The following IHO1 variants were observed in gnomAD, a reference collection of about 807,000 sequenced individuals.
IHO1 encodes the protein interactor of HORMAD1 protein 1.
In IHO1, 13 loss-of-function variants were observed where a neutral mutation model predicts 31.0. The observed-to-expected ratio is 0.42, with a 90% CI of 0.27 to 0.67. IHO1 has a LOEUF of 0.67. IHO1 is among the 30% of genes least tolerant of loss of function. The probability of loss-of-function intolerance (pLI) is 0.24; values close to 1 mark genes in which losing one functional copy is unlikely to be tolerated. For missense variants in IHO1, 599 were observed against 687.5 expected (o/e 0.87, Z 1.44); for synonymous variants, 221 against 248.4 (o/e 0.89, Z 1.04).
intron 2 of IHO1, among the ~76,000 whole-genome samples, chr3:49,231,007 G>T (rs1166648370): frequency 6.6e-6 from 1 of 152,178 alleles, no homozygotes; most frequent in African/African-American, 2.4e-5. Flanking sequence ...ATACAGAGAA[G>T]ACTCTAGATT....
intron 2 of IHO1, among the ~76,000 whole-genome samples, chr3:49,222,310 G>A (rs2046363639): frequency 6.6e-6 from 1 of 152,304 alleles, no homozygotes; most frequent in Admixed American, 6.5e-5. Flanking sequence ...CAGAGAGTGG[G>A]TTAAGTTGAG....
chr3:49,200,063 G>C (rs969103830), intron 1 of IHO1, among the ~76,000 whole-genome samples: 3 of 152,206 alleles, frequency 2.0e-5, no homozygotes, highest in South Asian at 2.1e-4. Context: ...TGTTTGAGGC[G>C]GGCCGGTGGC....
At chr3:49,236,487 T>C in intron 2 of IHO1, 61 bp from the exon 3 acceptor site, 2 of 1,280,496 alleles carry the variant, frequency 1.6e-6, no homozygotes, top group South Asian at 1.3e-5. Context: ...AGCTGTGAAC[T>C]ATGATTTCAT....
chr3:49,204,716 C>T (rs1559436121), intron 1 of IHO1, among the ~76,000 whole-genome samples: 1 of 152,124 alleles, frequency 6.6e-6, no homozygotes, highest in East Asian at 1.9e-4. Flanking sequence ...AGAGTGAAAG[C>T]AAGTTTATTA....
chr3:49,215,119 C>G (rs534688938), intron 2 of IHO1, among the ~76,000 whole-genome samples: 2 of 151,142 alleles, frequency 1.3e-5, no homozygotes, highest in Admixed American at 1.3e-4. Flanking sequence ...GGCACGATCT[C>G]GGCTCACTGC....
intron 2 of IHO1, among the ~76,000 whole-genome samples, chr3:49,217,087 C>T (rs1286053601): frequency 6.6e-6 from 1 of 152,176 alleles, no homozygotes; most frequent in African/African-American, 2.4e-5. Flanking sequence ...GTGGCAATTC[C>T]TCAAGGATCT....
rs1360935422 is a variant in IHO1 at position 49,257,112 on chromosome 3, T to C, written c.1615T>C (p.Cys539Arg). Reference protein sequence around the residue: ...VQGRLLQLSRCSSQDNWLLSS... With the variant: ...VQGRLLQLSRRSSQDNWLLSS... ...GGGAAGACTCTTGCAGCTCAGCAGG[T>C]GCTCTTCCCAAGACAACTGGCTACT... The change falls in exon 8 of 8, where the codon TGC becomes CGC. Residue 539 changes from cysteine (C) to arginine (R), a missense_variant. Transcript: ENST00000452691. The C allele has an allele frequency of 1.2e-6, 2 of 1,614,048 alleles. No homozygotes were observed. Among genetic ancestry groups the C allele is most frequent in the Non-Finnish European group, 1.7e-6 (2 of 1,180,020 alleles).
chr3:49,233,904 C>T (rs982970445), intron 2 of IHO1, among the ~76,000 whole-genome samples: 21 of 152,188 alleles, frequency 1.4e-4, no homozygotes, highest in South Asian at 4.1e-4. Context: ...ATGAGCAATC[C>T]GTACCTTAAG....
At chr3:49,191,964 C>A in the IHO1 span, 1 of 620,728 alleles carries the variant, frequency 1.6e-6, no homozygotes, top group East Asian at 2.8e-5. Flanking sequence ...CCTAGTTCTT[C>A]TCTGTGAGAA....
Position 49,250,625 on chromosome 3 carries a change from T to G in IHO1, c.533-4765T>G, listed in dbSNP as rs546638094. Among the ~76,000 whole-genome samples the G allele has an allele frequency of 4.1e-4, 62 of 152,298 alleles. No individual in the cohort carries two copies. In the South Asian group the frequency reaches 0.012, roughly 29 times the overall value. On this transcript the variant is annotated intron_variant, in intron 6 of 7. Coordinates refer to ENST00000452691, the MANE Select transcript of IHO1 (RefSeq NM_001135197.2). ...GGATGTCTGAAGAATATTTGACTAA[T>G]TGGGTTTAGGAGCAGGAATCCAATA...
At chr3:49,194,838 G>C (rs1020215203), upstream of IHO1, among the ~76,000 whole-genome samples, 1 of 152,002 alleles carries the variant, frequency 6.6e-6, no homozygotes, top group African/African-American at 2.4e-5. Flanking sequence ...CGAGGCAGCA[G>C]TGAGCCATGA....
chr3:49,228,726 T>A (rs2046445891), intron 2 of IHO1, among the ~76,000 whole-genome samples: 1 of 152,070 alleles, frequency 6.6e-6, no homozygotes, highest in African/African-American at 2.4e-5. Flanking sequence ...ACTTCAGGAG[T>A]GAAGCCATGG....
At chr3:49,232,514 G>A (rs994761892) in intron 2 of IHO1, among the ~76,000 whole-genome samples, 4 of 152,150 alleles carry the variant, frequency 2.6e-5, no homozygotes, top group South Asian at 2.1e-4. Context: ...TCTCCAAGAC[G>A]GAATCAACAG....
At chr3:49,241,605 A>G (rs548255430) in intron 4 of IHO1, among the ~76,000 whole-genome samples, 32 of 151,892 alleles carry the variant, frequency 2.1e-4, no homozygotes, top group African/African-American at 7.0e-4. Context: ...AAAGAGAAAG[A>G]GGGAGAGAGA....
intron 1 of IHO1, among the ~76,000 whole-genome samples, chr3:49,200,068 G>A (rs1375631507): frequency 6.6e-6 from 1 of 152,172 alleles, no homozygotes. Flanking sequence ...GAGGCGGGCC[G>A]GTGGCCACAG....
chr3:49,192,058 G>A, the IHO1 span, among the ~76,000 whole-genome samples: 5 of 152,200 alleles, frequency 3.3e-5, no homozygotes, highest in South Asian at 2.1e-4. Context: ...TAATGGATTC[G>A]CAGCCAATGA....
chr3:49,215,218 T>C (rs542067668), intron 2 of IHO1, among the ~76,000 whole-genome samples: 8 of 152,122 alleles, frequency 5.3e-5, no homozygotes, highest in African/African-American at 1.7e-4. Context: ...GCCCAGCTAA[T>C]TTTTGTTTTT....
At chr3:49,235,185 CTA>C (rs778782876) in intron 2 of IHO1, among the ~76,000 whole-genome samples, 5 of 149,842 alleles carry the variant, frequency 3.3e-5, no homozygotes, top group African/African-American at 7.4e-5. Context: ...GTACTCAAAA[CTA>C]TGTTTTTGAG....
At chr3:49,205,228 G>A (rs2046119544) in intron 1 of IHO1, among the ~76,000 whole-genome samples, 1 of 152,074 alleles carries the variant, frequency 6.6e-6, no homozygotes, top group Non-Finnish European at 1.5e-5. Flanking sequence ...TCTGGATATT[G>A]CCATGGCATT....
Sources: gnomAD v4.1 joint callset for allele counts (sites outside exome capture counted in the v4.1 genomes callset) on GRCh38, gnomAD v4.1.1 for gene constraint, MANE v1.5 for transcripts, NCBI Gene and HGNC (gene_info 2026-07-23, HGNC 2026-07-21) for gene names.